ADAMTS9: variants seen among roughly 807,000 people sequenced by gnomAD.
ADAMTS9 encodes the protein A disintegrin and metalloproteinase with thrombospondin motifs 9.
A neutral mutation model predicts 257.1 loss-of-function variants in ADAMTS9; 107 were observed. The ratio of observed to expected loss-of-function variants is 0.42; its 90% CI spans 0.36 to 0.49. ADAMTS9 has a LOEUF of 0.49. ADAMTS9 is among the 20% of genes least tolerant of loss of function. ADAMTS9 has a pLI of 0.03. For synonymous variants in ADAMTS9, 982 were observed against 880.9 expected (o/e 1.11, Z -2.03); for missense variants, 2,353 against 2,469.1 (o/e 0.95, Z 1.00).
intron 25 of ADAMTS9, 81 bp downstream of exon 25, chr3:64,603,841 G>A: frequency 6.9e-7 from 1 of 1,449,890 alleles, no homozygotes; most frequent in South Asian, 1.3e-5. Flanking sequence ...ACATTTCCAA[G>A]TGGCGCCCCC....
intron 23 of ADAMTS9, among the ~76,000 whole-genome samples, 188 bp downstream of exon 23, chr3:64,606,769 AGAG>A (rs1304675934): frequency 6.6e-6 from 1 of 152,238 alleles, no homozygotes. Flanking sequence ...TCAAATAACC[AGAG>A]AAGAACAAAA....
chr3:64,666,449 C>G (rs1271266043), intron 3 of ADAMTS9, among the ~76,000 whole-genome samples: 1 of 152,174 alleles, frequency 6.6e-6, no homozygotes, highest in Non-Finnish European at 1.5e-5. Context: ...AGGAGCAAGG[C>G]GAGACCCCTT....
chr3:64,657,369 C>T (rs1174026114), intron 4 of ADAMTS9, among the ~76,000 whole-genome samples: 1 of 152,176 alleles, frequency 6.6e-6, no homozygotes, highest in African/African-American at 2.4e-5. Context: ...CAGGGTCTCA[C>T]TCTGTCTCCA....
chr3:64,562,624 C>T (rs1376290373), intron 29 of ADAMTS9, among the ~76,000 whole-genome samples: 1 of 152,160 alleles, frequency 6.6e-6, no homozygotes, highest in African/African-American at 2.4e-5. Flanking sequence ...TATATTATTA[C>T]ACTTAGCTAT....
Position 64,568,625 on chromosome 3 carries a change from GC to G in ADAMTS9, c.4357-91del, listed in dbSNP as rs1266669197. 4.8e-6 allele frequency: 7 copies of G among 1,456,654 alleles called. No individual in the cohort carries two copies. The African/African-American group carries it at 1.0e-4, about 21-fold the overall frequency. 90.2% of individuals were successfully genotyped at this position (1,456,654 alleles called of 1,614,324 possible). ...CTGCGTCTTGAGATGTTAAGACAAT[GC>G]CTAACAAGAGTTACCATTCCCCTCT... On this transcript the variant is annotated intron_variant, in intron 28 of 39. Coordinates refer to ENST00000498707, the MANE Select transcript of ADAMTS9 (RefSeq NM_182920.2).
At position 64,550,998 on chromosome 3, in the gene ADAMTS9, T is replaced by A. The variant is rs1180537667; in HGVS notation, c.4763A>T (p.Asn1588Ile). The A allele has an allele frequency of 4.3e-6, 7 of 1,614,202 alleles. No homozygotes were observed. The highest frequency in any genetic ancestry group is 5.9e-6 in the Non-Finnish European group (7 of 1,180,030). The part of the protein sequence containing the change: ...RKVVCVDDNK[N>I]EVHGARCDVS... ...GTCACAGCGTGCCCCATGCACCTCG[T>A]TTTTGTTGTCATCCACACACACCAC... The change falls in exon 31 of 40, where the codon AAC (asparagine) becomes ATC (isoleucine). Residue 1588 changes from asparagine to isoleucine, a missense_variant. Transcript: ENST00000498707.
intron 16 of ADAMTS9, among the ~76,000 whole-genome samples, chr3:64,630,387 G>A (rs927042465): frequency 6.6e-6 from 1 of 152,178 alleles, no homozygotes; most frequent in Non-Finnish European, 1.5e-5. Flanking sequence ...AACATAGTGA[G>A]ACATCATCTC....
chr3:64,631,941 G>T lies in ADAMTS9; in HGVS notation c.2176-16C>A, dbSNP rs1576139421. 2 of 1,568,408 alleles carry T rather than the reference G, an allele frequency of 1.3e-6. No individual in the cohort carries two copies. The highest frequency in any genetic ancestry group is 1.1e-5 in the South Asian group (1 of 89,978). ...ATCCAGCTTGCTTTTAAAAAGAAAA[G>T]ATTTGAAATAAATGTAAGCATTATA... On this transcript the variant is annotated splice_polypyrimidine_tract_variant and intron_variant, in intron 14 of 39. Coordinates refer to ENST00000498707, the MANE Select transcript of ADAMTS9 (RefSeq NM_182920.2).
rs530117865 is a variant in ADAMTS9, at chr3:64,676,468, C to T, written c.679+4733G>A. ...AATAATCACTGTTAATATTTTCATG[C>T]CTTTACTTCAGATATTCTGTTTACA... is the stretch of plus-strand genomic sequence containing the variant. On this transcript the variant is annotated intron_variant, in intron 3 of 39. Transcript: ENST00000498707. Among the ~76,000 whole-genome samples the T allele has an allele frequency of 4.6e-5, 7 of 152,168 alleles. No individual in the cohort carries two copies. The South Asian group carries it at 1.5e-3, about 32-fold the overall frequency.
chr3:64,681,158 A>T (rs1220490771), intron 3 of ADAMTS9, 43 bp downstream of exon 3: 1 of 1,584,742 alleles, frequency 6.3e-7, no homozygotes, highest in South Asian at 1.2e-5. Context: ...CAATTTACCC[A>T]TCTCAAAGAG....
intron 39 of ADAMTS9, among the ~76,000 whole-genome samples, chr3:64,519,598 C>A (rs555357457): frequency 6.6e-6 from 1 of 152,274 alleles, no homozygotes; most frequent in African/African-American, 2.4e-5. Context: ...AGATAATCTA[C>A]CATGATCGAG....
Position 64,533,192 on chromosome 3 carries a change from C to G in ADAMTS9, c.5692G>C (p.Ala1898Pro). 1 of 1,591,528 alleles carries G rather than the reference C, an allele frequency of 6.3e-7. No individual in the cohort carries two copies. Among genetic ancestry groups the G allele is most frequent in the Non-Finnish European group, 8.6e-7 (1 of 1,166,388 alleles). ...SARWISQGNY[A>P]VSDIKKSPDG... Reference sequence around the variant, plus strand: ...GGCGACTTCTTGATGTCAGAGACAGCATAATTCCCTTGTGATATCCATCTG... The same window carrying G: ...GGCGACTTCTTGATGTCAGAGACAGGATAATTCCCTTGTGATATCCATCTG... The change falls in exon 38 of 40, where the codon GCT becomes CCT. Residue 1898 changes from alanine to proline, a missense_variant. Around this residue, in one of 3 missense-constraint regions of ADAMTS9, gnomAD observed 1,402 missense variants for 1,441.4 expected, o/e 0.97. Transcript: ENST00000498707.
At chr3:64,662,427 T>C (rs1205534472) in intron 3 of ADAMTS9, among the ~76,000 whole-genome samples, 1 of 152,126 alleles carries the variant, frequency 6.6e-6, no homozygotes, top group Non-Finnish European at 1.5e-5. Flanking sequence ...TGGTTTATAG[T>C]GTTGGGCAAC....
chr3:64,677,962 TAA>T (rs917293911), intron 3 of ADAMTS9, among the ~76,000 whole-genome samples: 4 of 152,114 alleles, frequency 2.6e-5, no homozygotes, highest in African/African-American at 9.7e-5. Flanking sequence ...CTTTTTAACA[TAA>T]GTTATCTCAG....
chr3:64,596,694 C>T (rs906734163), intron 27 of ADAMTS9, 136 bp downstream of exon 27: 7 of 1,037,322 alleles, frequency 6.7e-6, no homozygotes, highest in Non-Finnish European at 9.7e-6. Context: ...TTTAAGAAGA[C>T]AGGTTTCCTA....
At chr3:64,542,533 T>C (rs1235894422) in intron 32 of ADAMTS9, among the ~76,000 whole-genome samples, 2 of 151,000 alleles carry the variant, frequency 1.3e-5, no homozygotes, top group Non-Finnish European at 2.9e-5. Context: ...GTTCAAGCGA[T>C]TCTCCTGCCT....
intron 29 of ADAMTS9, 86 bp downstream of exon 29, chr3:64,568,282 G>A (rs925747971): frequency 1.1e-5 from 16 of 1,463,416 alleles, no homozygotes; most frequent in Admixed American, 2.4e-5. Flanking sequence ...AACCAAAACC[G>A]TGCATAGAAA....
At chr3:64,646,233 C>A (rs1465568066) in intron 11 of ADAMTS9, among the ~76,000 whole-genome samples, 3 of 152,152 alleles carry the variant, frequency 2.0e-5, no homozygotes, top group Non-Finnish European at 4.4e-5. Flanking sequence ...GCCAACTAAC[C>A]AAGTTGTCAA....
chr3:64,543,136 C>T (rs1381892142), intron 32 of ADAMTS9, among the ~76,000 whole-genome samples: 1 of 152,064 alleles, frequency 6.6e-6, no homozygotes, highest in Non-Finnish European at 1.5e-5. Context: ...AGCCTACCAA[C>T]CAAAAAAAGT....
Sources: gnomAD v4.1 joint callset for allele counts (sites outside exome capture counted in the v4.1 genomes callset) on GRCh38, gnomAD v4.1.1 for gene constraint, gnomAD v4.1.1 regional missense constraint, MANE v1.5 for transcripts, NCBI Gene and HGNC (gene_info 2026-07-23, HGNC 2026-07-21) for gene names.